Variants in PNN observed in about 807,000 individuals in gnomAD.
PNN encodes pinin, desmosome associated protein.
Under a neutral mutation model 76.6 loss-of-function variants are expected in PNN, and 38 were observed. The ratio of observed to expected loss-of-function variants is 0.50; its 90% CI spans 0.38 to 0.65. The LOEUF is 0.65. Among genes scored for constraint, PNN ranks in the 30% least tolerant of loss-of-function variants. PNN has a pLI of 0.00. For synonymous variants in PNN, 366 were observed against 283.7 expected (o/e 1.29, Z -2.91); for missense variants, 873 against 874.1 (o/e 1.00, Z 0.02).
chr14:39,176,278 A>G (rs1408181063), intron 2 of PNN, 129 bp downstream of exon 2: 8 of 657,538 alleles, frequency 1.2e-5, no homozygotes, highest in Non-Finnish European at 2.2e-5. Flanking sequence ...TAATGTTGTA[A>G]TAGACTAGAT....
At position 39,180,935 on chromosome 14, in the gene PNN, A is replaced by G. The variant is rs143201887; in HGVS notation, c.1226A>G (p.Asn409Ser). Residue 409 changes from asparagine to serine, a missense_variant, in exon 9 of 9, where the codon AAT becomes AGT. By Grantham distance (46) the Asn-to-Ser change is conservative. Transcript: ENST00000216832. ...GCTGACCAGGAGGTAATGGAAACTA[A>G]TCGAGTTGAAAGTGTAGAACCTTCA... ...VIADQEVMET[N>S]RVESVEPSEN... 351 of 1,614,184 alleles carry G rather than the reference A, an allele frequency of 2.2e-4. No homozygotes were observed. In the African/African-American group the frequency reaches 3.7e-3, roughly 17 times the overall value.
Position 39,181,064 on chromosome 14 carries a change from T to C in PNN, c.1355T>C (p.Leu452Ser). ...CCTGGGAAAGAGAATGTCAGTGCTT[T>C]AGACATGGAAAAGGAGTCTGAGGAA... ...LSPGKENVSALDMEKESEEKE... is the reference protein window; with the variant it reads ...LSPGKENVSASDMEKESEEKE... Residue 452 changes from leucine to serine, a missense_variant, in exon 9 of 9, where the codon TTA becomes TCA. Leu to Ser is a moderately radical substitution (Grantham distance 145, BLOSUM62 -2). This residue lies in a region of PNN where 712 missense variants were observed against 693.1 expected (regional missense o/e 1.03). Transcript: ENST00000216832. 1.2e-6 allele frequency: 2 copies of C among 1,613,902 alleles called. No individual in the cohort carries two copies. Among genetic ancestry groups the C allele is most frequent in the South Asian group, 2.2e-5 (2 of 91,060 alleles).
At position 39,181,583 on chromosome 14, in the gene PNN, C is replaced by T; in HGVS notation, c.1874C>T (p.Thr625Ile). 1 of 1,613,382 alleles carries T rather than the reference C, an allele frequency of 6.2e-7. No homozygotes were observed. The highest frequency in any genetic ancestry group is 8.5e-7 in the Non-Finnish European group (1 of 1,179,546). ...GSSSRDSSSS[T>I]SSSSESRSRS... ...AGCAGCAGAGATAGTAGCAGTAGCA[C>T]TAGTAGTAGTAGTGAGAGTAGAAGT... is the stretch of plus-strand genomic sequence containing the variant. The change falls in exon 9 of 9, where the codon ACT becomes ATT. Residue 625 changes from threonine (T) to isoleucine (I), a missense_variant. Physicochemically the swap from Thr to Ile is moderately conservative, Grantham distance 89. Transcript: ENST00000216832.
At chr14:39,178,256 CAGT>C (rs2053243966) in intron 6 of PNN, among the ~76,000 whole-genome samples, 1 of 152,170 alleles carries the variant, frequency 6.6e-6, no homozygotes, top group Non-Finnish European at 1.5e-5. Context: ...CGGCCAGGTG[CAGT>C]GGCTCATGCC....
At position 39,175,275 on chromosome 14, in the gene PNN, A is replaced by G. The variant is rs1460436062; in HGVS notation, c.-5A>G. 1 of 1,574,636 alleles carries G rather than the reference A, an allele frequency of 6.4e-7. No individual in the cohort carries two copies. The highest frequency in any genetic ancestry group is 8.7e-7 in the Non-Finnish European group (1 of 1,148,434). On this transcript the variant is annotated 5_prime_UTR_variant, in exon 1 of 9. Coordinates refer to ENST00000216832, the MANE Select transcript of PNN (RefSeq NM_002687.4). ...AAGCAGTCTCAAGCCTGCCGCAGGG[A>G]GAAGATGGCGGTCGCCGTGAGAACT...
Position 39,180,942 on chromosome 14 carries a change from T to G in PNN, c.1233T>G (p.Val411=). The change falls in exon 9 of 9, where the codon GTT becomes GTG. Residue 411 remains valine, a synonymous_variant. Coordinates refer to ENST00000216832, the MANE Select transcript of PNN (RefSeq NM_002687.4). Reference sequence around the variant, plus strand: ...AGGAGGTAATGGAAACTAATCGAGTTGAAAGTGTAGAACCTTCAGAAAATG... The same window carrying G: ...AGGAGGTAATGGAAACTAATCGAGTGGAAAGTGTAGAACCTTCAGAAAATG... The part of the protein sequence containing the change: ...ADQEVMETNR[V]ESVEPSENEA... The G allele has an allele frequency of 6.2e-7, 1 of 1,614,098 alleles. No homozygotes were observed. The highest frequency in any genetic ancestry group is 8.5e-7 in the Non-Finnish European group (1 of 1,180,002).
intron 6 of PNN, among the ~76,000 whole-genome samples, chr14:39,178,325 T>G (rs982027532): frequency 2.6e-5 from 4 of 151,938 alleles, no homozygotes; most frequent in Non-Finnish European, 5.9e-5. Context: ...GGTCAGAAGT[T>G]TTTCGAGACC....
Position 39,177,067 on chromosome 14 carries a change from A to C in PNN, c.255-345A>C, listed in dbSNP as rs114308489. ...GGGCATTTGCCCTTGGTGTGCAGTT[A>C]CATAAATACCTCAGTGGTCATTTAA... On this transcript the variant is annotated intron_variant, in intron 3 of 8. Transcript: ENST00000216832. Among the ~76,000 whole-genome samples the C allele has an allele frequency of 5.8e-3, 890 of 152,346 alleles. 9 individuals are homozygous for C. The highest frequency in any genetic ancestry group is 0.02 in the African/African-American group (835 of 41,578).
intron 1 of PNN, chr14:39,175,676 C>T (rs1261880719): frequency 4.1e-6 from 2 of 489,438 alleles, no homozygotes; most frequent in East Asian, 4.1e-5. Context: ...CGCTCTCGGC[C>T]CTGCAGGCCC....
chr14:39,175,670 C>G, intron 1 of PNN: 1 of 495,010 alleles, frequency 2.0e-6, no homozygotes. Context: ...GATTCCCGCT[C>G]TCGGCCCTGC....
In PNN at chr14:39,177,618, C is replaced by A. The variant is rs2053238529; in HGVS notation, c.353C>A (p.Ala118Asp). ...KKPALQSSVV[A>D]TSKERTRRDL... ...CCAGCATTGCAGTCTTCAGTTGTAG[C>A]TACCTCCAAAGAGCGCACACGTAGA... is the stretch of plus-strand genomic sequence containing the variant. Residue 118 changes from alanine to aspartate, a missense_variant, in exon 5 of 9, where the codon GCT becomes GAT. Around this residue, in one of 3 missense-constraint regions of PNN, gnomAD observed 156 missense variants for 161.7 expected, o/e 0.96. Coordinates refer to ENST00000216832, the MANE Select transcript of PNN (RefSeq NM_002687.4). 1 of 1,613,628 alleles carries A rather than the reference C, an allele frequency of 6.2e-7. No homozygotes were observed. The highest frequency in any genetic ancestry group is 1.7e-5 in the Admixed American group (1 of 59,994).
rs2053260927 is a variant in PNN, at chr14:39,180,491, T to C, written c.794-12T>C. 6.5e-7 allele frequency: 1 copy of C among 1,533,246 alleles called. No individual in the cohort carries two copies. Among genetic ancestry groups the C allele is most frequent in the South Asian group, 1.3e-5 (1 of 77,704 alleles). The allele number at this position is 1,533,246 out of a possible 1,614,324, so 95.0% of individuals were successfully genotyped here. Reference sequence around the variant, plus strand: ...TCGGTAAATTTTACACATGTAAATTTTTATTCTTTAGCTTTATTTGAAGGT... The same window carrying C: ...TCGGTAAATTTTACACATGTAAATTCTTATTCTTTAGCTTTATTTGAAGGT... On this transcript the variant is annotated splice_polypyrimidine_tract_variant and intron_variant, in intron 8 of 8. Coordinates refer to ENST00000216832, the MANE Select transcript of PNN (RefSeq NM_002687.4).
Position 39,180,708 on chromosome 14 carries a change from A to G in PNN, c.999A>G (p.Glu333=), listed in dbSNP as rs745931474. The G allele has an allele frequency of 6.2e-7, 1 of 1,602,758 alleles. No homozygotes were observed. The highest frequency in any genetic ancestry group is 2.2e-5 in the East Asian group (1 of 44,644). Residue 333 remains glutamate (E), a synonymous_variant, in exon 9 of 9, where the codon GAA becomes GAG. Coordinates refer to ENST00000216832, the MANE Select transcript of PNN (RefSeq NM_002687.4). ...AGCACAATGATGTAGAAATAGAGGA[A>G]GCAGGAGAGGAAGAGGAAAAGGAAA... ...GNQHNDVEIE[E]AGEEEEKEIA...
chr14:39,175,501 A>T, intron 1 of PNN, 109 bp downstream of exon 1: 1 of 719,744 alleles, frequency 1.4e-6, no homozygotes, highest in Non-Finnish European at 2.4e-6. Context: ...TGGAACCTCG[A>T]GGCCTGTTCG....
At chr14:39,176,222 C>T (rs1309944052) in intron 2 of PNN, 73 bp downstream of exon 2, 36 of 882,376 alleles carry the variant, frequency 4.1e-5, no homozygotes, top group African/African-American at 8.3e-5. Flanking sequence ...TTGAACAAAA[C>T]CTGTGATAAA....
chr14:39,179,902 A>C (rs563959012), intron 8 of PNN, among the ~76,000 whole-genome samples: 1,556 of 117,646 alleles, frequency 0.013, 7 homozygotes, highest in Middle Eastern at 0.038. Flanking sequence ...ACTCCATCTC[A>C]AAAAAAAAAA....
At chr14:39,179,745 A>G (rs1253521431) in intron 8 of PNN, among the ~76,000 whole-genome samples, 1 of 151,830 alleles carries the variant, frequency 6.6e-6, no homozygotes, top group Non-Finnish European at 1.5e-5. Context: ...CTAAAAATAC[A>G]AAAAAAATTA....
In PNN at chr14:39,177,294, G is replaced by C. The variant is rs1487453205; in HGVS notation, c.255-118G>C. ...CCAGCTGCTTGGGAGGATGAGGCAG[G>C]AGGATCACTTGAGCCTGGGAGGTCG... On this transcript the variant is annotated intron_variant, in intron 3 of 8. Coordinates refer to ENST00000216832, the MANE Select transcript of PNN (RefSeq NM_002687.4). The C allele has an allele frequency of 1.6e-5, 12 of 749,860 alleles. No homozygotes were observed. In the South Asian group the frequency reaches 2.1e-4, roughly 13 times the overall value. 46.5% of individuals were successfully genotyped at this position (749,860 alleles called of 1,614,324 possible).
chr14:39,179,250 A>G lies in PNN; in HGVS notation c.654+4A>G, dbSNP rs758839386. ...GAAAGTTGAGCTTGCGCAGCTGGTG[A>G]GTGGTAATTTGGAATTCTAAGATTG... On this transcript the variant is annotated splice_donor_region_variant and intron_variant, in intron 7 of 8. Coordinates refer to ENST00000216832, the MANE Select transcript of PNN (RefSeq NM_002687.4). 1.2e-6 allele frequency: 2 copies of G among 1,610,924 alleles called. No homozygotes were observed. Among genetic ancestry groups the G allele is most frequent in the East Asian group, 4.5e-5 (2 of 44,886 alleles).
Sources: allele counts gnomAD v4.1 joint callset (sites outside exome capture counted in the v4.1 genomes callset), GRCh38; gene constraint gnomAD v4.1.1; regional missense constraint gnomAD v4.1.1; transcripts MANE v1.5; gene names NCBI Gene and HGNC (gene_info 2026-07-23, HGNC 2026-07-21).